Variants in ECD observed in about 807,000 individuals in gnomAD.
ECD encodes ecdysoneless cell cycle regulator.
Under a neutral mutation model 77.2 loss-of-function variants are expected in ECD, and 59 were observed. The ratio of observed to expected loss-of-function variants is 0.76; its 90% confidence interval spans 0.62 to 0.95. The LOEUF is 0.95. Ranked by LOEUF, ECD falls within the 40% of genes least tolerant of loss-of-function variation. ECD has a pLI of 0.00. For missense variants in ECD, 704 were observed against 763.4 expected (o/e 0.92, Z 0.92); for synonymous variants, 233 against 267.4 (o/e 0.87, Z 1.26).
chr10:73,155,594 CTT>C (rs537974204), intron 5 of ECD, among the ~76,000 whole-genome samples: 5,121 of 124,590 alleles, frequency 0.041, 242 homozygotes, highest in African/African-American at 0.14. Flanking sequence ...TAGGTTTCTA[CTT>C]TTTTTTTTTT....
chr10:73,144,408 T>TA (rs1431424353), intron 9 of ECD, among the ~76,000 whole-genome samples: 1 of 152,002 alleles, frequency 6.6e-6, no homozygotes, highest in African/African-American at 2.4e-5. Context: ...GGGGATCTCT[T>TA]AAACCCAGGA....
chr10:73,146,864 C>A (rs773428257), intron 8 of ECD, among the ~76,000 whole-genome samples: 1 of 152,110 alleles, frequency 6.6e-6, no homozygotes, highest in Non-Finnish European at 1.5e-5. Flanking sequence ...TAAAAAATGG[C>A]AAAATCCCAC....
At position 73,146,339 on chromosome 10, in the gene ECD, T is replaced by A. The variant is rs1015700289; in HGVS notation, c.1064A>T (p.Gln355Leu). 2 of 1,608,380 alleles carry A rather than the reference T, an allele frequency of 1.2e-6. No individual in the cohort carries two copies. The highest frequency in any genetic ancestry group is 1.7e-6 in the Non-Finnish European group (2 of 1,176,678). ...TGCCATTTCTAGCCTTTCCCGGTAC[T>A]GAGCAGAACCTTCTATCAGTCCCTT... ...YFKGLIEGSA[Q>L]YRERLEMAEN... Residue 355 changes from glutamine to leucine, a missense_variant, in exon 9 of 14, where the codon CAG (glutamine) becomes CTG (leucine). Transcript: ENST00000372979.
chr10:73,149,737 C>T (rs1843178021), intron 7 of ECD, among the ~76,000 whole-genome samples: 1 of 152,070 alleles, frequency 6.6e-6, no homozygotes, highest in Non-Finnish European at 1.5e-5. Flanking sequence ...GGAAGTTACC[C>T]CACTGTAAGT....
intron 7 of ECD, among the ~76,000 whole-genome samples, chr10:73,150,855 T>A (rs1436151803): frequency 6.6e-6 from 1 of 152,250 alleles, no homozygotes; most frequent in South Asian, 2.1e-4. Context: ...AGAATGGCGA[T>A]CATTAAAAAG....
intron 4 of ECD, 39 bp from the exon 5 acceptor site, chr10:73,156,492 G>C: frequency 2.5e-6 from 4 of 1,608,410 alleles, no homozygotes; most frequent in Non-Finnish European, 3.4e-6. Flanking sequence ...GTGGGCACTG[G>C]CAAACTGCAG....
intron 6 of ECD, among the ~76,000 whole-genome samples, chr10:73,153,866 C>T (rs7915191): frequency 0.048 from 7,291 of 150,830 alleles, 552 homozygotes; most frequent in African/African-American, 0.16. Context: ...AAAGAAAAAA[C>T]GTGTATAGTT....
intron 7 of ECD, among the ~76,000 whole-genome samples, chr10:73,151,327 T>C (rs1185017428): frequency 7.8e-6 from 1 of 128,768 alleles, no homozygotes; most frequent in African/African-American, 3.0e-5. Flanking sequence ...AATTGAACAA[T>C]GAGAACACAC....
At chr10:73,137,443 T>G (rs1842988934) in intron 12 of ECD, among the ~76,000 whole-genome samples, 2 of 152,214 alleles carry the variant, frequency 1.3e-5, no homozygotes, top group South Asian at 4.1e-4. Context: ...GGAGCCAAGG[T>G]AAAACCCTAT....
At chr10:73,141,753 T>A (rs554799430) in intron 9 of ECD, among the ~76,000 whole-genome samples, 1 of 152,240 alleles carries the variant, frequency 6.6e-6, no homozygotes, top group Admixed American at 6.5e-5. Flanking sequence ...CGTTTACATA[T>A]TAATAATACA....
chr10:73,148,447 T>C, intron 7 of ECD, 43 bp from the exon 8 acceptor site: 1 of 1,600,308 alleles, frequency 6.2e-7, no homozygotes, highest in Non-Finnish European at 8.5e-7. Flanking sequence ...GTTCCTTTTT[T>C]CCCGTATCTT....
chr10:73,156,377 G>A lies in ECD; in HGVS notation c.488C>T (p.Thr163Ile), dbSNP rs373650322. The A allele has an allele frequency of 1.1e-3, 1,702 of 1,613,720 alleles. 25 individuals are homozygous for A. In the South Asian group the frequency reaches 0.018, roughly 17 times the overall value. Residue 163 changes from threonine to isoleucine, a missense_variant, in exon 5 of 14, where the codon ACA (threonine) becomes ATA (isoleucine). Transcript: ENST00000372979. The stretch of plus-strand genomic sequence containing the variant: ...CAATGCTTGTGGAATTGTTGGGGGT[G>A]TGGTGGGTAACCAAGATTCTGCTCC... ...KSGAESWLPT[T>I]PPTIPQALNI...
chr10:73,133,766 T>A lies in ECD; in HGVS notation c.*817A>T, dbSNP rs1480035499. On this transcript the variant is annotated 3_prime_UTR_variant, in exon 14 of 14. Transcript: ENST00000372979. ...ATCATTTTAAGAAATAAACATTTCA[T>A]CTTAGCAAAAGATATATCAGTTATA... 6.6e-6 allele frequency: 1 copy of A among 152,184 alleles called. No individual in the cohort carries two copies. The allele number at this position is 152,184 out of a possible 1,614,324, so 9.4% of individuals were successfully genotyped here. A position where few individuals can be genotyped will look rare whatever the true frequency, so the allele number is the denominator to read the frequency against.
chr10:73,165,881 T>C (rs958824033), intron 1 of ECD, among the ~76,000 whole-genome samples: 6 of 152,194 alleles, frequency 3.9e-5, no homozygotes, highest in Non-Finnish European at 7.3e-5. Context: ...TTATTTACTA[T>C]AGTCACCCTG....
intron 8 of ECD, among the ~76,000 whole-genome samples, chr10:73,147,958 T>A (rs1205408227): frequency 1.3e-5 from 2 of 152,226 alleles, no homozygotes; most frequent in African/African-American, 2.4e-5. Context: ...TAATAATTTT[T>A]AAAATCCACA....
rs774231556 is a variant in ECD, at chr10:73,156,617, G to C, written c.362C>G (p.Ala121Gly). 7.4e-6 allele frequency: 12 copies of C among 1,613,944 alleles called. No individual in the cohort carries two copies. Among genetic ancestry groups the C allele is most frequent in the Non-Finnish European group, 9.3e-6 (11 of 1,180,020 alleles). Residue 121 changes from alanine (A) to glycine (G), a missense_variant, in exon 4 of 14, where the codon GCT (alanine) becomes GGT (glycine). Ala to Gly is a moderately conservative substitution (Grantham distance 60, BLOSUM62 0). Transcript: ENST00000372979. ...DNDGEFLLIE[A>G]ADFLPKWLDP... is the part of the protein sequence containing the mutation. The stretch of plus-strand genomic sequence containing the variant: ...CAGCCATTTAGGGAGAAAGTCAGCA[G>C]CTTCTATTAACAAGAATTCACCATC...
chr10:73,163,083 A>G (rs920950662), intron 2 of ECD, among the ~76,000 whole-genome samples: 1 of 152,146 alleles, frequency 6.6e-6, no homozygotes, highest in Non-Finnish European at 1.5e-5. Context: ...AAACTCATCT[A>G]CTTGCCAAGA....
intron 5 of ECD, among the ~76,000 whole-genome samples, chr10:73,155,440 C>T (rs544639087): frequency 1.7e-4 from 26 of 149,894 alleles, no homozygotes; most frequent in African/African-American, 5.8e-4. Context: ...AATGGATGAA[C>T]GAATATGTAA....
intron 7 of ECD, among the ~76,000 whole-genome samples, chr10:73,149,128 A>C (rs1843167593): frequency 6.6e-6 from 1 of 152,144 alleles, no homozygotes; most frequent in Admixed American, 6.6e-5. Context: ...AATTTATCTA[A>C]CTATTCCCCT....
Sources: gnomAD v4.1 joint callset for allele counts (sites outside exome capture counted in the v4.1 genomes callset) on GRCh38, gnomAD v4.1.1 for gene constraint, MANE v1.5 for transcripts, NCBI Gene and HGNC (gene_info 2026-07-23, HGNC 2026-07-21) for gene names.